Variants in RALY observed in about 807,000 individuals in gnomAD.
The protein encoded by RALY is RNA-binding protein Raly.
RALY carries 15 observed loss-of-function variants against 30.7 expected under a neutral mutation model. That is an observed-to-expected ratio of 0.49 (90% CI 0.33 to 0.75). The LOEUF (loss-of-function observed/expected upper bound fraction) is 0.75. Among genes scored for constraint, RALY ranks in the 30% least tolerant of loss-of-function variants. The pLI is 0.02. For synonymous variants in RALY, 177 were observed against 170.8 expected, an observed-to-expected ratio of 1.04 and a Z score of -0.28; for missense variants, 339 against 414.3, an observed-to-expected ratio of 0.82 and a Z score of 1.58.
At chr20:34,020,315 T>C (rs1479181429) in intron 1 of RALY, among the ~76,000 whole-genome samples, 10 of 152,320 alleles carry the variant, frequency 6.6e-5, no homozygotes, top group African/African-American at 2.4e-4. Flanking sequence ...TCCCAGGTGT[T>C]GGCATTTGGA....
chr20:34,051,000 G>C (rs1047137790), intron 2 of RALY, among the ~76,000 whole-genome samples: 7 of 152,176 alleles, frequency 4.6e-5, no homozygotes, highest in South Asian at 2.1e-4. Flanking sequence ...TCAAAATCCT[G>C]ATGAAAATTT....
chr20:34,002,902 G>A (rs780406198), intron 1 of RALY, among the ~76,000 whole-genome samples: 1 of 152,154 alleles, frequency 6.6e-6, no homozygotes, highest in Non-Finnish European at 1.5e-5. Flanking sequence ...AAATAAAATA[G>A]CTCTATTTTG....
At chr20:34,051,141 A>G (rs1377027805) in intron 2 of RALY, among the ~76,000 whole-genome samples, 1 of 152,216 alleles carries the variant, frequency 6.6e-6, no homozygotes, top group Non-Finnish European at 1.5e-5. Context: ...TTTATATATT[A>G]CAGACCCCTT....
In RALY at chr20:34,002,539, C is replaced by T. The variant is rs146139748; in HGVS notation, c.-93+8408C>T. Among the ~76,000 whole-genome samples the T allele has an allele frequency of 3.9e-3, 595 of 152,274 alleles. 3 individuals carry two copies. Among genetic ancestry groups the T allele is most frequent in the Non-Finnish European group, 7.1e-3 (481 of 68,024 alleles). On this transcript the variant is annotated intron_variant, in intron 1 of 9. Coordinates refer to ENST00000246194, the MANE Select transcript of RALY (RefSeq NM_016732.3). ...CATATATTTGGATTGAGGGTTCAAA[C>T]GGAAAATAACATAATTGGTGGCTGT...
chr20:34,077,086 CGGTGGCGGTGGCAGT>C lies in RALY; in HGVS notation c.723_737del (p.Ser244_Gly248del), dbSNP rs768781168. On this transcript the variant is annotated inframe_deletion, in exon 8 of 10. Coordinates refer to ENST00000246194, the MANE Select transcript of RALY (RefSeq NM_016732.3). ...GCGGCGGCGGCGGTGGTGGTGGCAG[CGGTGGCGGTGGCAGT>C]GGTGGTGGCGGTGGCGGTGGCAGCA... 27 of 1,603,408 alleles carry C rather than the reference CGGTGGCGGTGGCAGT, an allele frequency of 1.7e-5. No individual in the cohort carries two copies. Among genetic ancestry groups the C allele is most frequent in the South Asian group, 7.8e-5 (7 of 90,060 alleles).
intron 1 of RALY, among the ~76,000 whole-genome samples, chr20:34,004,276 G>A (rs956082332): frequency 6.6e-6 from 1 of 152,144 alleles, no homozygotes; most frequent in Non-Finnish European, 1.5e-5. Flanking sequence ...TGTTGTCCAG[G>A]ACCATTTTAA....
chr20:33,994,587 G>A (rs1490189504), intron 1 of RALY, among the ~76,000 whole-genome samples: 4 of 152,256 alleles, frequency 2.6e-5, no homozygotes, highest in Non-Finnish European at 4.4e-5. Flanking sequence ...CGGGCTCCCG[G>A]AGGCGCGCAG....
At chr20:34,021,908 T>A (rs1014394521) in intron 1 of RALY, among the ~76,000 whole-genome samples, 3 of 151,178 alleles carry the variant, frequency 2.0e-5, no homozygotes, top group African/African-American at 7.3e-5. Context: ...TTTAAGTTTT[T>A]TTATTATTAA....
Position 34,075,966 on chromosome 20 carries a change from G to C in RALY, c.470G>C (p.Arg157Pro). The C allele has an allele frequency of 6.2e-7, 1 of 1,614,218 alleles. No homozygotes were observed. Among genetic ancestry groups the C allele is most frequent in the Non-Finnish European group, 8.5e-7 (1 of 1,180,028 alleles). The change falls in exon 6 of 10, where the codon CGT becomes CCT. Residue 157 changes from arginine (R) to proline (P), a missense_variant. Arg to Pro is a moderately radical substitution (Grantham distance 103). This residue lies in a region of RALY where 268 missense variants were observed against 280.6 expected (regional missense o/e 0.95). Transcript: ENST00000246194. ...CGGGTCACAGTCCCTTTGGTCCGGCGTGTCAAAACTAACGTACCTGTCAAG... is the reference window on the plus strand; with the variant it reads ...CGGGTCACAGTCCCTTTGGTCCGGCCTGTCAAAACTAACGTACCTGTCAAG... Reference protein sequence around the residue: ...RPRVTVPLVRRVKTNVPVKLF... With the variant: ...RPRVTVPLVRPVKTNVPVKLF...
At chr20:34,016,556 C>G (rs1195500650) in intron 1 of RALY, 1 of 152,216 alleles carries the variant, frequency 6.6e-6, no homozygotes, top group East Asian at 1.9e-4. Context: ...TTGAGTCCTT[C>G]TGTTGTGTAG....
intron 1 of RALY, among the ~76,000 whole-genome samples, chr20:34,015,550 GC>G (rs2031573088): frequency 6.6e-6 from 1 of 151,480 alleles, no homozygotes; most frequent in African/African-American, 2.4e-5. Context: ...AGGCATAATT[GC>G]TTCTCATCTG....
At chr20:34,066,347 C>T (rs1297840371) in intron 2 of RALY, among the ~76,000 whole-genome samples, 2 of 151,958 alleles carry the variant, frequency 1.3e-5, no homozygotes, top group Non-Finnish European at 2.9e-5. Context: ...GCTGTGGTGG[C>T]GGGCACCTGT....
intron 2 of RALY, among the ~76,000 whole-genome samples, chr20:34,040,339 CT>C (rs1165298245): frequency 6.6e-6 from 1 of 152,100 alleles, no homozygotes; most frequent in Non-Finnish European, 1.5e-5. Flanking sequence ...AGCATGTCAG[CT>C]TTTTTAACAT....
At position 34,075,772 on chromosome 20, in the gene RALY, C is replaced by T. The variant is rs928130176; in HGVS notation, c.378-102C>T. 13 of 1,335,158 alleles carry T rather than the reference C, an allele frequency of 9.7e-6. No individual in the cohort carries two copies. The Admixed American group carries it at 1.2e-4, about 12-fold the overall frequency. The allele number at this position is 1,335,158 out of a possible 1,614,324, so 82.7% of individuals were successfully genotyped here. A position where few individuals can be genotyped will look rare whatever the true frequency, so the allele number is the denominator to read the frequency against. ...GCCAGCAGAGGTGTGTAGTGCAGGCCTCCCAGCCCCTCACCAGCCACACAC... is the reference window on the plus strand; with the variant it reads ...GCCAGCAGAGGTGTGTAGTGCAGGCTTCCCAGCCCCTCACCAGCCACACAC... On this transcript the variant is annotated intron_variant, in intron 5 of 9. Coordinates refer to ENST00000246194, the MANE Select transcript of RALY (RefSeq NM_016732.3).
intron 1 of RALY, among the ~76,000 whole-genome samples, chr20:34,000,763 G>A (rs959324092): frequency 1.3e-5 from 2 of 152,168 alleles, no homozygotes; most frequent in African/African-American, 4.8e-5. Flanking sequence ...ACTAACTAAA[G>A]TGCAAATCTG....
At chr20:34,074,458 T>G (rs765941347) in intron 5 of RALY, among the ~76,000 whole-genome samples, 6 of 151,912 alleles carry the variant, frequency 3.9e-5, no homozygotes, top group Non-Finnish European at 5.9e-5. Context: ...AAATCTCTCC[T>G]CCTCCCTGCT....
chr20:33,997,246 C>G (rs1439644657), intron 1 of RALY, among the ~76,000 whole-genome samples: 4 of 152,170 alleles, frequency 2.6e-5, no homozygotes, highest in Non-Finnish European at 5.9e-5. Context: ...TCCCGAGTAG[C>G]TGGGACTACA....
chr20:34,045,254 TAAATC>T (rs1434757119), intron 2 of RALY, among the ~76,000 whole-genome samples: 2 of 152,098 alleles, frequency 1.3e-5, no homozygotes, highest in Admixed American at 1.3e-4. Context: ...AAAAAATTAG[TAAATC>T]AATTATGTAA....
chr20:34,006,480 T>G (rs1485671929), intron 1 of RALY, among the ~76,000 whole-genome samples: 3 of 152,238 alleles, frequency 2.0e-5, no homozygotes, highest in Admixed American at 6.5e-5. Flanking sequence ...GATAGTTTGA[T>G]TCAGGATTCA....
Sources: gnomAD v4.1 joint callset for allele counts (sites outside exome capture counted in the v4.1 genomes callset) on GRCh38, gnomAD v4.1.1 for gene constraint, gnomAD v4.1.1 regional missense constraint, MANE v1.5 for transcripts, NCBI Gene and HGNC (gene_info 2026-07-23, HGNC 2026-07-21) for gene names.